Variants in NUDT3 observed in about 807,000 individuals in gnomAD.
NUDT3 encodes diphosphoinositol polyphosphate phosphohydrolase 1.
In NUDT3, 9 loss-of-function variants were observed where a neutral mutation model predicts 23.6. The ratio of observed to expected loss-of-function variants is 0.38; its 90% CI spans 0.23 to 0.66. NUDT3 has a LOEUF of 0.66. Among genes scored for constraint, NUDT3 ranks in the 30% least tolerant of loss-of-function variants. NUDT3 has a pLI of 0.52. For synonymous variants in NUDT3, 86 were observed against 82.6 expected, an observed-to-expected ratio of 1.04 and a Z score of -0.22; for missense variants, 172 against 218.5, an observed-to-expected ratio of 0.79 and a Z score of 1.34.
intron 2 of NUDT3, among the ~76,000 whole-genome samples, chr6:34,339,264 C>T (rs1020730054): frequency 6.6e-6 from 1 of 152,186 alleles, no homozygotes; most frequent in Non-Finnish European, 1.5e-5. Context: ...TAGTTGCATT[C>T]CTTACCTGAG....
chr6:34,318,863 T>C (rs1763898763), intron 2 of NUDT3, among the ~76,000 whole-genome samples: 1 of 152,128 alleles, frequency 6.6e-6, no homozygotes, highest in Non-Finnish European at 1.5e-5. Flanking sequence ...ATGCCCAGCC[T>C]GTACATGCTT....
intron 1 of NUDT3, among the ~76,000 whole-genome samples, chr6:34,372,194 C>T (rs1764842789): frequency 6.6e-6 from 1 of 152,114 alleles, no homozygotes; most frequent in African/African-American, 2.4e-5. Flanking sequence ...AATAGTGCTG[C>T]AATAAACATA....
intron 1 of NUDT3, among the ~76,000 whole-genome samples, chr6:34,353,208 CT>C (rs1764504930): frequency 6.6e-6 from 1 of 152,094 alleles, no homozygotes; most frequent in South Asian, 2.1e-4. Context: ...TCTACTTTGC[CT>C]TTTCACTTAA....
chr6:34,344,439 G>A (rs1184848383), intron 1 of NUDT3, among the ~76,000 whole-genome samples: 1 of 152,216 alleles, frequency 6.6e-6, no homozygotes, highest in Non-Finnish European at 1.5e-5. Flanking sequence ...GCCAGGCACA[G>A]AAGGCCACAT....
chr6:34,317,304 T>C (rs933424165), intron 2 of NUDT3, among the ~76,000 whole-genome samples: 5 of 151,982 alleles, frequency 3.3e-5, no homozygotes, highest in Non-Finnish European at 5.9e-5. Flanking sequence ...GATAGATTAC[T>C]CACCCATCCA....
intron 2 of NUDT3, among the ~76,000 whole-genome samples, chr6:34,304,838 T>C (rs1422776689): frequency 6.6e-6 from 1 of 150,442 alleles, no homozygotes; most frequent in Non-Finnish European, 1.5e-5. Flanking sequence ...TAAAAACTTT[T>C]TTTTTTTTTT....
At chr6:34,300,039 TG>T (rs1290526045) in intron 2 of NUDT3, among the ~76,000 whole-genome samples, 3 of 152,078 alleles carry the variant, frequency 2.0e-5, no homozygotes, top group Non-Finnish European at 2.9e-5. Flanking sequence ...GTGAGCCACC[TG>T]CCCGGCCCTG....
chr6:34,309,785 A>T (rs1763743495), intron 2 of NUDT3, among the ~76,000 whole-genome samples: 1 of 152,158 alleles, frequency 6.6e-6, no homozygotes, highest in African/African-American at 2.4e-5. Context: ...TGAACAAAAA[A>T]GAGGAAAATA....
chr6:34,317,558 C>T (rs1449937917), intron 2 of NUDT3, among the ~76,000 whole-genome samples: 1 of 152,062 alleles, frequency 6.6e-6, no homozygotes, highest in Non-Finnish European at 1.5e-5. Context: ...GCTTTTCTCC[C>T]ACCCCCCCAA....
chr6:34,361,883 A>G (rs1370450043), intron 1 of NUDT3, among the ~76,000 whole-genome samples: 1 of 152,228 alleles, frequency 6.6e-6, no homozygotes, highest in Non-Finnish European at 1.5e-5. Context: ...AGGTAGAGAA[A>G]GAACAGAGAA....
chr6:34,332,700 G>C (rs1334648266), intron 2 of NUDT3, among the ~76,000 whole-genome samples: 1 of 152,190 alleles, frequency 6.6e-6, no homozygotes, highest in African/African-American at 2.4e-5. Flanking sequence ...TATATAAGGC[G>C]CTTGAGCATC....
chr6:34,336,422 G>A (rs1764209770), intron 2 of NUDT3, among the ~76,000 whole-genome samples: 1 of 151,968 alleles, frequency 6.6e-6, no homozygotes, highest in Non-Finnish European at 1.5e-5. Flanking sequence ...TTTAATACTA[G>A]ATTCTTTTTT....
chr6:34,389,197 G>A (rs1765155988), intron 1 of NUDT3, among the ~76,000 whole-genome samples: 1 of 152,156 alleles, frequency 6.6e-6, no homozygotes, highest in South Asian at 2.1e-4. Context: ...TGTGTTGAGT[G>A]AGGGAGGTAA....
intron 2 of NUDT3, among the ~76,000 whole-genome samples, chr6:34,334,809 G>A (rs1317430328): frequency 6.6e-6 from 1 of 151,660 alleles, no homozygotes; most frequent in South Asian, 2.1e-4. Context: ...GGCATGCACC[G>A]GTAGTCCCAG....
intron 1 of NUDT3, 104 bp downstream of exon 1, chr6:34,392,160 G>A (rs1053750715): frequency 3.7e-5 from 28 of 758,396 alleles, no homozygotes; most frequent in Non-Finnish European, 5.3e-5. Flanking sequence ...CCGCCCGAGC[G>A]GGGCGGCCCT....
intron 1 of NUDT3, among the ~76,000 whole-genome samples, chr6:34,369,167 C>T (rs1261506179): frequency 6.6e-6 from 1 of 152,148 alleles, no homozygotes; most frequent in Non-Finnish European, 1.5e-5. Flanking sequence ...AAATTTCTTT[C>T]AAAATAATTT....
chr6:34,317,531 T>C (rs1763880826), intron 2 of NUDT3, among the ~76,000 whole-genome samples: 1 of 152,150 alleles, frequency 6.6e-6, no homozygotes, highest in South Asian at 2.1e-4. Flanking sequence ...GGAAGCCTGC[T>C]GGAAAAAGGT....
chr6:34,360,326 C>T (rs1764630479), intron 1 of NUDT3, among the ~76,000 whole-genome samples: 1 of 151,580 alleles, frequency 6.6e-6, no homozygotes, highest in Admixed American at 6.6e-5. Context: ...GCAATCCCAG[C>T]ACTTTGGGAG....
At position 34,327,258 on chromosome 6, in the gene NUDT3, C is replaced by T. The variant is rs114518822; in HGVS notation, c.210+14604G>A. Among the ~76,000 whole-genome samples the T allele has an allele frequency of 9.3e-4, 141 of 152,032 alleles. No homozygotes were observed. In the Middle Eastern group the frequency reaches 0.014, roughly 15 times the overall value. ...TCAGAAAGATCAAAGACAGGCCGGG[C>T]GCGGTGGCTCACCTGTAATCCCAGC... On this transcript the variant is annotated intron_variant, in intron 2 of 4. Coordinates refer to ENST00000607016, the MANE Select transcript of NUDT3 (RefSeq NM_006703.4).
Sources: gnomAD v4.1 joint callset for allele counts (sites outside exome capture counted in the v4.1 genomes callset) on GRCh38, gnomAD v4.1.1 for gene constraint, MANE v1.5 for transcripts, NCBI Gene and HGNC (gene_info 2026-07-23, HGNC 2026-07-21) for gene names.